Variants in KCNA5 observed in about 807,000 individuals in gnomAD.
The protein encoded by KCNA5 is cardiac potassium channel.
KCNA5 carries 22 observed loss-of-function variants against 26.5 expected under a neutral mutation model. That is an observed-to-expected ratio of 0.83 (90% CI 0.59 to 1.18). KCNA5 has a LOEUF of 1.18. KCNA5 is among the 50% of genes most tolerant of loss of function. The pLI is 0.00. For missense variants in KCNA5, 916 were observed against 843.2 expected (o/e 1.09, Z -1.07); for synonymous variants, 465 against 372.8 (o/e 1.25, Z -2.85).
Position 5,044,119 on chromosome 12 carries a change from G to C in KCNA5, c.-29G>C, listed in dbSNP as rs896853953. 20 of 1,533,162 alleles carry C rather than the reference G, an allele frequency of 1.3e-5. No homozygotes were observed. In the Admixed American group the frequency reaches 3.1e-4, roughly 24 times the overall value. 95.0% of individuals were successfully genotyped at this position (1,533,162 alleles called of 1,614,324 possible). ...AGGGGGCGCGGGAGCCGGTCAGCTGGGGCGCAGCATGCCCTCTGCTCCCGC... is the reference window on the plus strand; with the variant it reads ...AGGGGGCGCGGGAGCCGGTCAGCTGCGGCGCAGCATGCCCTCTGCTCCCGC... On this transcript the variant is annotated 5_prime_UTR_variant, in exon 1 of 1. Coordinates refer to ENST00000252321, the MANE Select transcript of KCNA5 (RefSeq NM_002234.4).
In KCNA5 at chr12:5,046,724, T is replaced by C. The variant is rs1401969408; in HGVS notation, c.*735T>C. 6.1e-6 allele frequency: 1 copy of C among 164,388 alleles called. No individual in the cohort carries two copies. The highest frequency in any genetic ancestry group is 2.4e-5 in the African/African-American group (1 of 41,470). The allele number at this position is 164,388 out of a possible 1,614,324, so 10.2% of individuals were successfully genotyped here. The stretch of plus-strand genomic sequence containing the variant: ...AAGCATTTTAATGATATTGGAGGAA[T>C]ACTTCTGATAATTTATTGTCTTTAT... On this transcript the variant is annotated 3_prime_UTR_variant, in exon 1 of 1. Coordinates refer to ENST00000252321, the MANE Select transcript of KCNA5 (RefSeq NM_002234.4).
In KCNA5 at chr12:5,046,408, A is replaced by G. The variant is rs1201223050; in HGVS notation, c.*419A>G. On this transcript the variant is annotated 3_prime_UTR_variant, in exon 1 of 1. Transcript: ENST00000252321. ...GTGTATAGGGGAAAATATTATTTTT[A>G]TGCCTGGTAAGTGGCTTTTTGTACT... The G allele has an allele frequency of 4.3e-6, 1 of 231,894 alleles. No homozygotes were observed. Among genetic ancestry groups the G allele is most frequent in the East Asian group, 1.0e-4 (1 of 9,586 alleles). The allele number at this position is 231,894 out of a possible 1,614,324, so 14.4% of individuals were successfully genotyped here. A position where few individuals can be genotyped will look rare whatever the true frequency, so the allele number is the denominator to read the frequency against.
chr12:5,044,438 G>A lies in KCNA5; in HGVS notation c.291G>A (p.Glu97=), dbSNP rs2137771577. 2 of 1,608,726 alleles carry A rather than the reference G, an allele frequency of 1.2e-6. No individual in the cohort carries two copies. The highest frequency in any genetic ancestry group is 1.1e-5 in the South Asian group (1 of 90,792). The change falls in exon 1 of 1, where the codon GAG becomes GAA. Residue 97 remains glutamate, a synonymous_variant. Transcript: ENST00000252321. ...RPRRPPPEDE[E]EEGDPGLGTV... is the part of the protein sequence containing the mutation. ...GACGGCCGCCTCCCGAGGACGAGGA[G>A]GAAGAAGGCGATCCCGGCCTGGGCA...
rs1261905872 is a variant in KCNA5, at chr12:5,044,126, G to A, written c.-22G>A. On this transcript the variant is annotated 5_prime_UTR_variant, in exon 1 of 1. Coordinates refer to ENST00000252321, the MANE Select transcript of KCNA5 (RefSeq NM_002234.4). ...GCGGGAGCCGGTCAGCTGGGGCGCA[G>A]CATGCCCTCTGCTCCCGCGCCATGG... 5 of 1,533,842 alleles carry A rather than the reference G, an allele frequency of 3.3e-6. No homozygotes were observed. Among genetic ancestry groups the A allele is most frequent in the Non-Finnish European group, 4.4e-6 (5 of 1,146,326 alleles).
chr12:5,044,529 G>C lies in KCNA5; in HGVS notation c.382G>C (p.Gly128Arg), dbSNP rs766137868. ...CCAGCGCGTCCACATCAACATCTCC[G>C]GGCTGCGCTTTGAGACGCAGCTGGG... is the stretch of plus-strand genomic sequence containing the variant. ...HHQRVHINIS[G>R]LRFETQLGTL... Residue 128 changes from glycine (G) to arginine (R), a missense_variant, in exon 1 of 1, where the codon GGG becomes CGG. Physicochemically the swap from Gly to Arg is moderately radical, Grantham distance 125. Transcript: ENST00000252321. 1 of 1,613,628 alleles carries C rather than the reference G, an allele frequency of 6.2e-7. No individual in the cohort carries two copies. The highest frequency in any genetic ancestry group is 8.5e-7 in the Non-Finnish European group (1 of 1,179,922).
At position 5,044,128 on chromosome 12, in the gene KCNA5, A is replaced by C. The variant is rs1862740282; in HGVS notation, c.-20A>C. 6.5e-7 allele frequency: 1 copy of C among 1,533,826 alleles called. No individual in the cohort carries two copies. Among genetic ancestry groups the C allele is most frequent in the Non-Finnish European group, 8.7e-7 (1 of 1,146,354 alleles). ...GGGAGCCGGTCAGCTGGGGCGCAGC[A>C]TGCCCTCTGCTCCCGCGCCATGGAG... On this transcript the variant is annotated 5_prime_UTR_variant, in exon 1 of 1. An upstream start codon of the reference 5' UTR is lost. Coordinates refer to ENST00000252321, the MANE Select transcript of KCNA5 (RefSeq NM_002234.4).
Position 5,044,601 on chromosome 12 carries a change from C to T in KCNA5, c.454C>T (p.Arg152Cys), listed in dbSNP as rs751395749. 1.2e-6 allele frequency: 2 copies of T among 1,614,070 alleles called. No individual in the cohort carries two copies. The highest frequency in any genetic ancestry group is 2.2e-5 in the East Asian group (1 of 44,854). Residue 152 changes from arginine to cysteine, a missense_variant, in exon 1 of 1, where the codon CGC (arginine) becomes TGC (cysteine). Transcript: ENST00000252321. ...CACACTCCTGGGGGACCCCGCCAAG[C>T]GCCTGCGCTACTTCGACCCCCTGAG... ...PNTLLGDPAK[R>C]LRYFDPLRNE...
chr12:5,045,794 C>T lies in KCNA5; in HGVS notation c.1647C>T (p.Asp549=). 1 of 1,614,084 alleles carries T rather than the reference C, an allele frequency of 6.2e-7. No individual in the cohort carries two copies. Among genetic ancestry groups the T allele is most frequent in the Non-Finnish European group, 8.5e-7 (1 of 1,179,992 alleles). The change falls in exon 1 of 1, where the codon GAC becomes GAT. Residue 549 remains aspartate (D), a synonymous_variant. Transcript: ENST00000252321. This position sits in a 1 kb window ranked among gnomAD's most constrained non-coding sequence, Gnocchi z 5.6. ...CTCAGAGCCAGGGGCCGGGGCTGGA[C>T]AGAGGAGTCCAGCGGAAGGTCAGCG... is the stretch of plus-strand genomic sequence containing the variant. The part of the protein sequence containing the change: ...QGTQSQGPGL[D]RGVQRKVSGS...
In KCNA5 at chr12:5,044,990, G is replaced by T. The variant is rs755035314; in HGVS notation, c.843G>T (p.Leu281=). 7 of 1,612,934 alleles carry T rather than the reference G, an allele frequency of 4.3e-6. No homozygotes were observed. The highest frequency in any genetic ancestry group is 5.1e-6 in the Non-Finnish European group (6 of 1,179,998). The change falls in exon 1 of 1, where the codon CTG becomes CTT. Residue 281 remains leucine, a synonymous_variant. Coordinates refer to ENST00000252321, the MANE Select transcript of KCNA5 (RefSeq NM_002234.4). The part of the protein sequence containing the change: ...TLPEFRDERE[L]LRHPPAPHQP... ...CTGAGTTCAGGGATGAACGTGAGCT[G>T]CTCCGCCACCCTCCGGCGCCCCACC...
In KCNA5 at chr12:5,043,953, A is replaced by G. The variant is rs1862737527; in HGVS notation, c.-195A>G. On this transcript the variant is annotated 5_prime_UTR_variant, in exon 1 of 1. Coordinates refer to ENST00000252321, the MANE Select transcript of KCNA5 (RefSeq NM_002234.4). ...GCTTGGTAACGGGCTGCCAGAAGAG[A>G]GAGAGGCAGAGAGCAGGGCAGCGGC... 6.6e-6 allele frequency: 4 copies of G among 606,352 alleles called. No homozygotes were observed. Among genetic ancestry groups the G allele is most frequent in the Non-Finnish European group, 5.7e-6 (2 of 348,296 alleles). 37.6% of individuals were successfully genotyped at this position (606,352 alleles called of 1,614,324 possible). A position where few individuals can be genotyped will look rare whatever the true frequency, so the allele number is the denominator to read the frequency against.
chr12:5,045,927 G>T lies in KCNA5; in HGVS notation c.1780G>T (p.Val594Leu), dbSNP rs771488872. The T allele has an allele frequency of 1.2e-6, 2 of 1,613,948 alleles. No individual in the cohort carries two copies. The highest frequency in any genetic ancestry group is 1.1e-5 in the South Asian group (1 of 91,084). The change falls in exon 1 of 1, where the codon GTG becomes TTG. Residue 594 changes from valine to leucine, a missense_variant. Coordinates refer to ENST00000252321, the MANE Select transcript of KCNA5 (RefSeq NM_002234.4). This position sits in a 1 kb window ranked among gnomAD's most constrained non-coding sequence, Gnocchi z 5.6. Reference protein sequence around the residue: ...EKCNVKAKSNVDLRRSLYALC... With the variant: ...EKCNVKAKSNLDLRRSLYALC... ...GTGTAACGTCAAGGCCAAGAGCAAC[G>T]TGGACTTGCGGAGGTCCCTTTATGC...
At position 5,044,529 on chromosome 12, in the gene KCNA5, G is replaced by A; in HGVS notation, c.382G>A (p.Gly128Arg). The A allele has an allele frequency of 6.2e-7, 1 of 1,613,628 alleles. No individual in the cohort carries two copies. The highest frequency in any genetic ancestry group is 8.5e-7 in the Non-Finnish European group (1 of 1,179,922). Residue 128 changes from glycine to arginine, a missense_variant, in exon 1 of 1, where the codon GGG becomes AGG. Coordinates refer to ENST00000252321, the MANE Select transcript of KCNA5 (RefSeq NM_002234.4). ...HHQRVHINISGLRFETQLGTL... is the reference protein window; with the variant it reads ...HHQRVHINISRLRFETQLGTL... ...CCAGCGCGTCCACATCAACATCTCC[G>A]GGCTGCGCTTTGAGACGCAGCTGGG...
rs56296268 is a variant in KCNA5 at position 5,046,135 on chromosome 12, G to A, written c.*146G>A. ...CTTTCACTCCTTTCCTCCCTCCCTC[G>A]ATCCCCCCATTTTCTCTATTCTTTC... On this transcript the variant is annotated 3_prime_UTR_variant, in exon 1 of 1. Transcript: ENST00000252321. The A allele has an allele frequency of 3.5e-5, 35 of 1,001,772 alleles. No homozygotes were observed. Among genetic ancestry groups the A allele is most frequent in the South Asian group, 1.1e-4 (8 of 71,660 alleles). The allele number at this position is 1,001,772 out of a possible 1,614,324, so 62.1% of individuals were successfully genotyped here. A position where few individuals can be genotyped will look rare whatever the true frequency, so the allele number is the denominator to read the frequency against.
chr12:5,044,140 C>T lies in KCNA5; in HGVS notation c.-8C>T, dbSNP rs1212148016. 2.0e-6 allele frequency: 3 copies of T among 1,534,656 alleles called. No homozygotes were observed. The highest frequency in any genetic ancestry group is 1.2e-5 in the South Asian group (1 of 83,972). On this transcript the variant is annotated 5_prime_UTR_variant, in exon 1 of 1. Transcript: ENST00000252321. Reference sequence around the variant, plus strand: ...GCTGGGGCGCAGCATGCCCTCTGCTCCCGCGCCATGGAGATCGCCCTGGTG... The same window carrying T: ...GCTGGGGCGCAGCATGCCCTCTGCTTCCGCGCCATGGAGATCGCCCTGGTG...
rs2137772952 is a variant in KCNA5 at position 5,045,183 on chromosome 12, T to C, written c.1036T>C (p.Cys346Arg). The C allele has an allele frequency of 6.2e-7, 1 of 1,614,196 alleles. No individual in the cohort carries two copies. The highest frequency in any genetic ancestry group is 8.5e-7 in the Non-Finnish European group (1 of 1,180,026). ...TFELLVRFFA[C>R]PSKAGFSRNI... ...CGAGCTGCTCGTGCGCTTCTTCGCC[T>C]GCCCCAGCAAGGCAGGGTTCTCCCG... Residue 346 changes from cysteine to arginine, a missense_variant, in exon 1 of 1, where the codon TGC (cysteine) becomes CGC (arginine). Cys to Arg is a radical substitution (Grantham distance 180, BLOSUM62 -3). Coordinates refer to ENST00000252321, the MANE Select transcript of KCNA5 (RefSeq NM_002234.4). The surrounding 1 kb of genome is among the most constrained non-coding windows in gnomAD (Gnocchi z 5.6).
At position 5,044,043 on chromosome 12, in the gene KCNA5, C is replaced by G. The variant is rs1862738679; in HGVS notation, c.-105C>G. The G allele has an allele frequency of 7.6e-7, 1 of 1,323,618 alleles. No individual in the cohort carries two copies. Among genetic ancestry groups the G allele is most frequent in the Non-Finnish European group, 1.0e-6 (1 of 964,228 alleles). 82.0% of individuals were successfully genotyped at this position (1,323,618 alleles called of 1,614,324 possible). Reference sequence around the variant, plus strand: ...ACCCCAGCTCTCCCCAGAGAGGGGCCGGCCGACCGCTGGAGCGGAGCCTGA... The same window carrying G: ...ACCCCAGCTCTCCCCAGAGAGGGGCGGGCCGACCGCTGGAGCGGAGCCTGA... On this transcript the variant is annotated 5_prime_UTR_variant, in exon 1 of 1. Transcript: ENST00000252321.
At position 5,046,058 on chromosome 12, in the gene KCNA5, A is replaced by G. The variant is rs1241159771; in HGVS notation, c.*69A>G. 1.9e-6 allele frequency: 3 copies of G among 1,569,718 alleles called. No homozygotes were observed. The highest frequency in any genetic ancestry group is 2.6e-6 in the Non-Finnish European group (3 of 1,143,810). ...AGGCTTGCTGAACATGGATATCTAC[A>G]TTATACCGCAGAGTATTTGAAGTCA... is the stretch of plus-strand genomic sequence containing the variant. On this transcript the variant is annotated 3_prime_UTR_variant, in exon 1 of 1. Transcript: ENST00000252321.
rs1208202910 is a variant in KCNA5, at chr12:5,046,261, G to A, written c.*272G>A. The A allele has an allele frequency of 3.9e-6, 2 of 519,010 alleles. No individual in the cohort carries two copies. Among genetic ancestry groups the A allele is most frequent in the Non-Finnish European group, 7.3e-6 (2 of 275,396 alleles). The allele number at this position is 519,010 out of a possible 1,614,324, so 32.2% of individuals were successfully genotyped here. ...TGTGAGATGGATGTATTTGTAGCCA[G>A]TCTCCTATACCCAGCAGAGGGATAA... On this transcript the variant is annotated 3_prime_UTR_variant, in exon 1 of 1. Coordinates refer to ENST00000252321, the MANE Select transcript of KCNA5 (RefSeq NM_002234.4).
chr12:5,045,632 C>A lies in KCNA5; in HGVS notation c.1485C>A (p.Ile495=), dbSNP rs764615241. ...GGCCCATCACTGTTGGGGGCAAGAT[C>A]GTGGGCTCGCTGTGTGCCATCGCCG... ...DMRPITVGGK[I]VGSLCAIAGV... is the part of the protein sequence containing the mutation. The change falls in exon 1 of 1, where the codon ATC becomes ATA. Residue 495 remains isoleucine (I), a synonymous_variant. Coordinates refer to ENST00000252321, the MANE Select transcript of KCNA5 (RefSeq NM_002234.4). The surrounding 1 kb of genome is among the most constrained non-coding windows in gnomAD (Gnocchi z 5.6). 2 of 1,614,102 alleles carry A rather than the reference C, an allele frequency of 1.2e-6. No homozygotes were observed. Among genetic ancestry groups the A allele is most frequent in the African/African-American group, 2.7e-5 (2 of 74,936 alleles).
Sources: allele counts gnomAD v4.1 joint callset, GRCh38; gene constraint gnomAD v4.1.1; non-coding constraint Gnocchi (gnomAD v3.1); transcripts MANE v1.5; gene names NCBI Gene and HGNC (gene_info 2026-07-23, HGNC 2026-07-21).